LAMA2: variants seen among roughly 807,000 people sequenced by gnomAD.
LAMA2 encodes laminin subunit alpha 2, also known as laminin subunit alpha-2.
A neutral mutation model predicts 364.8 loss-of-function variants in LAMA2; 269 were observed. The ratio of observed to expected loss-of-function variants is 0.74; its 90% confidence interval spans 0.67 to 0.82. LAMA2 has a LOEUF of 0.82. Among genes scored for constraint, LAMA2 ranks in the 40% least tolerant of loss-of-function variants. The probability of loss-of-function intolerance (pLI) is 0.00; values close to 1 mark genes in which losing one functional copy is unlikely to be tolerated. For synonymous variants in LAMA2, 1,379 were observed against 1,370.6 expected (o/e 1.01, Z -0.14); for missense variants, 3,807 against 3,873.2 (o/e 0.98, Z 0.45).
At chr6:129,258,502 G>A (rs906939825) in intron 14 of LAMA2, among the ~76,000 whole-genome samples, 1 of 151,932 alleles carries the variant, frequency 6.6e-6, no homozygotes, top group African/African-American at 2.4e-5. Flanking sequence ...GTTTACAGGG[G>A]TTAGAGGAAG....
intron 40 of LAMA2, among the ~76,000 whole-genome samples, chr6:129,407,531 A>G (rs1256756920): frequency 6.6e-6 from 1 of 152,248 alleles, no homozygotes; most frequent in African/African-American, 2.4e-5. Context: ...GTACAAGTGT[A>G]TACATGCACA....
chr6:129,186,778 G>A (rs1053949368), intron 10 of LAMA2, among the ~76,000 whole-genome samples: 8 of 151,638 alleles, frequency 5.3e-5, no homozygotes, highest in East Asian at 1.9e-4. Context: ...TCTGAAGTCC[G>A]CCTCATCAGA....
intron 50 of LAMA2, 79 bp downstream of exon 50, chr6:129,464,531 G>T (rs1783440275): frequency 1.7e-6 from 2 of 1,197,318 alleles, no homozygotes; most frequent in Admixed American, 1.7e-5. Context: ...AAAATCATCA[G>T]TTATTGGTAA....
intron 8 of LAMA2, among the ~76,000 whole-genome samples, chr6:129,163,000 A>G (rs180977522): frequency 1.3e-5 from 2 of 152,156 alleles, no homozygotes; most frequent in Admixed American, 6.6e-5. Flanking sequence ...ATAAACTATG[A>G]TGTGTCTATG....
intron 1 of LAMA2, among the ~76,000 whole-genome samples, chr6:128,924,730 A>C (rs1778979174): frequency 6.6e-6 from 1 of 152,196 alleles, no homozygotes; most frequent in South Asian, 2.1e-4. Context: ...ATTTCCCAGC[A>C]TGTGGATGCT....
intron 37 of LAMA2, among the ~76,000 whole-genome samples, chr6:129,400,806 G>A (rs1343314138): frequency 2.6e-5 from 4 of 152,246 alleles, no homozygotes; most frequent in Non-Finnish European, 2.9e-5. Context: ...AAATTTCACA[G>A]AACTCCCATT....
rs59543848 is a variant in LAMA2, at chr6:129,066,038, G to GTATGTCTTTTTTTTTTTTTTTTT, written c.396+6143_396+6144insATGTCTTTTTTTTTTTTTTTTTT. Among the ~76,000 whole-genome samples the GTATGTCTTTTTTTTTTTTTTTTT allele has an allele frequency of 1.2e-3, 46 of 37,114 alleles. 7 individuals carry two copies. The highest frequency in any genetic ancestry group is 0.024 in the Middle Eastern group (1 of 42). The allele number at this position is 37,114 out of a possible 152,430, so 24.3% of individuals were successfully genotyped here. ...TCTTTTGTAAATTGCCCAGTCTCAGGTTTTTTTTTTTTTTTTTTTTTTTTT... is the reference window on the plus strand; with the variant it reads ...TCTTTTGTAAATTGCCCAGTCTCAGGTATGTCTTTTTTTTTTTTTTTTTTTTTTTTTTTTTTTTTTTTTTTTTT... On this transcript the variant is annotated intron_variant, in intron 3 of 64. Coordinates refer to ENST00000421865, the MANE Select transcript of LAMA2 (RefSeq NM_000426.4).
chr6:129,184,090 T>C (rs1034312564), intron 10 of LAMA2, among the ~76,000 whole-genome samples: 2 of 151,932 alleles, frequency 1.3e-5, no homozygotes, highest in African/African-American at 4.8e-5. Context: ...TTACTTTTTG[T>C]TGTTGTTTAT....
At chr6:129,441,122 A>T in intron 43 of LAMA2, 124 bp downstream of exon 43, 1 of 847,908 alleles carries the variant, frequency 1.2e-6, no homozygotes, top group Non-Finnish European at 1.9e-6. Flanking sequence ...TCCTTCTTTC[A>T]TAGATTGGCC....
At position 129,440,789 on chromosome 6, in the gene LAMA2, GT is replaced by G. The variant is rs765512228; in HGVS notation, c.6086-22del. 6.2e-6 allele frequency: 10 copies of G among 1,610,128 alleles called. No homozygotes were observed. The African/African-American group carries it at 1.3e-4, about 22-fold the overall frequency. ...CCACTAACTCCACACCCTTTGTTTT[GT>G]TTTTCATACCCTCATCTGCTGACAG... On this transcript the variant is annotated intron_variant, in intron 42 of 64. Coordinates refer to ENST00000421865, the MANE Select transcript of LAMA2 (RefSeq NM_000426.4).
At chr6:129,232,672 C>A (rs1784743136) in intron 12 of LAMA2, among the ~76,000 whole-genome samples, 1 of 152,018 alleles carries the variant, frequency 6.6e-6, no homozygotes, top group Non-Finnish European at 1.5e-5. Context: ...CTCCAAGATA[C>A]CCATAGCTGA....
chr6:129,132,260 G>C (rs1370005341), intron 4 of LAMA2, among the ~76,000 whole-genome samples: 1 of 150,592 alleles, frequency 6.6e-6, no homozygotes. Flanking sequence ...TCCACCTCCC[G>C]GGTTCATGCC....
At chr6:129,159,693 G>A (rs1404964753) in intron 8 of LAMA2, among the ~76,000 whole-genome samples, 2 of 152,092 alleles carry the variant, frequency 1.3e-5, no homozygotes, top group African/African-American at 4.8e-5. Flanking sequence ...AATTTTAAAG[G>A]GAAACCTAAT....
At chr6:129,269,364 C>CTTTTTTTT (rs370461121) in intron 16 of LAMA2, among the ~76,000 whole-genome samples, 2 of 144,690 alleles carry the variant, frequency 1.4e-5, no homozygotes, top group Non-Finnish European at 1.5e-5. Context: ...AAGCTTCCAT[C>CTTTTTTTT]TTTTTTTTTT....
chr6:129,441,219 A>T (rs919374108), intron 43 of LAMA2, among the ~76,000 whole-genome samples: 1 of 152,126 alleles, frequency 6.6e-6, no homozygotes, highest in African/African-American at 2.4e-5. Context: ...AAATTTTTCC[A>T]GTTGAGAAGA....
intron 10 of LAMA2, among the ~76,000 whole-genome samples, chr6:129,187,061 G>T (rs142802654): frequency 2.7e-3 from 413 of 151,886 alleles, no homozygotes; most frequent in African/African-American, 9.7e-3. Flanking sequence ...ATTATTCAAA[G>T]AGCTCAACCA....
chr6:129,334,786 G>A lies in LAMA2; in HGVS notation c.4311+6374G>A, dbSNP rs76277769. 6.5e-3 allele frequency among the ~76,000 whole-genome samples: 985 copies of A among 152,114 alleles called. 5 individuals carry two copies. The highest frequency in any genetic ancestry group is 0.017 in the Middle Eastern group (5 of 294). On this transcript the variant is annotated intron_variant, in intron 29 of 64. Transcript: ENST00000421865. ...TGACCCCTTCTTTCTTTGTCTTCAC[G>A]TGTTGGAAGGCACTAGATAGCTCTC...
At chr6:129,255,404 TCAAA>T (rs1421391091) in intron 14 of LAMA2, among the ~76,000 whole-genome samples, 3 of 19,984 alleles carry the variant, frequency 1.5e-4, no homozygotes, top group Non-Finnish European at 2.1e-4. Flanking sequence ...AGACTCTGTC[TCAAA>T]AAAAAAAAAA....
At position 129,255,036 on chromosome 6, in the gene LAMA2, A is replaced by AT. The variant is rs56778619; in HGVS notation, c.2096+2752dup. Among the ~76,000 whole-genome samples the AT allele has an allele frequency of 5.3e-3, 775 of 146,926 alleles. 4 individuals carry two copies. The highest frequency in any genetic ancestry group is 0.014 in the Middle Eastern group (4 of 278). ...CAATGAAATGTGGTAGAAATGATGT[A>AT]TTTTTTTTTTTCCTGAGGTAAACAT... On this transcript the variant is annotated intron_variant, in intron 14 of 64. Transcript: ENST00000421865.
Sources: gnomAD v4.1 joint callset for allele counts (sites outside exome capture counted in the v4.1 genomes callset) on GRCh38, gnomAD v4.1.1 for gene constraint, MANE v1.5 for transcripts, NCBI Gene and HGNC (gene_info 2026-07-23, HGNC 2026-07-21) for gene names.